Variants in NSUN6 observed in about 807,000 individuals in gnomAD.
The protein encoded by NSUN6 is tRNA (cytosine(72)-C(5))-methyltransferase NSUN6.
Under a neutral mutation model 58.0 loss-of-function variants are expected in NSUN6, and 64 were observed. The observed-to-expected ratio is 1.10, with a 90% CI of 0.90 to 1.36. The LOEUF is 1.36. NSUN6 is among the 40% of genes most tolerant of loss of function. The probability of loss-of-function intolerance (pLI) is 0.00; values close to 1 mark genes in which losing one functional copy is unlikely to be tolerated. For synonymous variants in NSUN6, 231 were observed against 193.9 expected, an observed-to-expected ratio of 1.19 and a Z score of -1.59; for missense variants, 701 against 550.1, an observed-to-expected ratio of 1.27 and a Z score of -2.74.
At position 18,586,416 on chromosome 10, in the gene NSUN6, G is replaced by A. The variant is rs1463287764; in HGVS notation, c.778-323C>T. 1.6e-4 allele frequency among the ~76,000 whole-genome samples: 24 copies of A among 152,164 alleles called. 1 individual carries two copies. Among genetic ancestry groups the A allele is most frequent in the Admixed American group, 1.6e-3 (24 of 15,282 alleles). ...AGTTTCTTCCTTCCGGTCGGTTCAT[G>A]GTCTCCCTGACTTCAGGAGTGAAGC... On this transcript the variant is annotated intron_variant, in intron 7 of 10. Coordinates refer to ENST00000377304, the MANE Select transcript of NSUN6 (RefSeq NM_182543.5).
Position 18,651,256 on chromosome 10 carries a change from G to GTT in NSUN6, c.-55_-54dup, listed in dbSNP as rs140572895. On this transcript the variant is annotated 5_prime_UTR_variant, in exon 1 of 11. Coordinates refer to ENST00000377304, the MANE Select transcript of NSUN6 (RefSeq NM_182543.5). ...GAGAAATGCTGGAAAACGGTGTTTTGTTTTTTTTTTTCTTTCCGAATTAAT... is the reference window on the plus strand; with the variant it reads ...GAGAAATGCTGGAAAACGGTGTTTTGTTTTTTTTTTTTTCTTTCCGAATTAAT... The GTT allele has an allele frequency of 0.031, 41,360 of 1,314,024 alleles. 2 individuals carry two copies. The highest frequency in any genetic ancestry group is 0.12 in the East Asian group (3,818 of 32,186). The allele number at this position is 1,314,024 out of a possible 1,614,324, so 81.4% of individuals were successfully genotyped here.
rs548284721 is a variant in NSUN6, at chr10:18,622,916, C to T, written c.312-6623G>A. On this transcript the variant is annotated intron_variant, in intron 3 of 10. Coordinates refer to ENST00000377304, the MANE Select transcript of NSUN6 (RefSeq NM_182543.5). ...AGAATACAGAAATTCTTTAAAATTACCAATTGGTTTTTGGCCTAAAAAGTT... is the reference window on the plus strand; with the variant it reads ...AGAATACAGAAATTCTTTAAAATTATCAATTGGTTTTTGGCCTAAAAAGTT... Among the ~76,000 whole-genome samples, 4 of 152,270 alleles carry T rather than the reference C, an allele frequency of 2.6e-5. No individual in the cohort carries two copies. In the South Asian group the frequency reaches 8.3e-4, roughly 32 times the overall value.
chr10:18,570,655 TTCCATTCCATTCTATTC>T (rs1392684279), intron 8 of NSUN6, among the ~76,000 whole-genome samples: 1 of 147,860 alleles, frequency 6.8e-6, no homozygotes, highest in Non-Finnish European at 1.5e-5. Context: ...CCATCATCCA[TTCCATTCCATTCTATTC>T]TCCATTCCAT....
chr10:18,629,956 T>G (rs1296759382), intron 3 of NSUN6, among the ~76,000 whole-genome samples: 16 of 150,818 alleles, frequency 1.1e-4, no homozygotes, highest in East Asian at 9.8e-4. Flanking sequence ...TATACATTTT[T>G]TTCAGCACCA....
intron 3 of NSUN6, among the ~76,000 whole-genome samples, chr10:18,623,115 T>G (rs1263141864): frequency 4.6e-5 from 7 of 152,228 alleles, no homozygotes; most frequent in Non-Finnish European, 1.0e-4. Context: ...TCATTTTAAG[T>G]AAACTGAAGA....
At chr10:18,626,405 T>C (rs919367151) in intron 3 of NSUN6, among the ~76,000 whole-genome samples, 1 of 152,026 alleles carries the variant, frequency 6.6e-6, no homozygotes, top group African/African-American at 2.4e-5. Context: ...TAAATACAAA[T>C]TAGCTGGTAA....
intron 7 of NSUN6, among the ~76,000 whole-genome samples, chr10:18,587,802 CA>C (rs1210480200): frequency 2.0e-5 from 3 of 152,100 alleles, no homozygotes; most frequent in Non-Finnish European, 4.4e-5. Flanking sequence ...GAGATTCCCT[CA>C]TGAGCCTACA....
At chr10:18,651,002 A>T in intron 1 of NSUN6, 127 bp downstream of exon 1, 1 of 1,057,236 alleles carries the variant, frequency 9.5e-7, no homozygotes, top group Non-Finnish European at 1.4e-6. Context: ...GTATTTTTAC[A>T]CTTGATAGAC....
intron 6 of NSUN6, among the ~76,000 whole-genome samples, chr10:18,604,978 C>A (rs1407086912): frequency 6.6e-6 from 1 of 150,936 alleles, no homozygotes; most frequent in Non-Finnish European, 1.5e-5. Flanking sequence ...CTCCGCCTCC[C>A]GGGTTCATGC....
Position 18,600,053 on chromosome 10 carries a change from T to C in NSUN6, c.658-3726A>G, listed in dbSNP as rs75243216. Among the ~76,000 whole-genome samples, 128 of 152,310 alleles carry C rather than the reference T, an allele frequency of 8.4e-4. 2 individuals carry two copies. In the East Asian group the frequency reaches 0.021, roughly 25 times the overall value. ...CAAAGTATCTTTGGGTAATGTAAGA[T>C]GCTAAAATTAAAAATTATCCCTTAT... On this transcript the variant is annotated intron_variant, in intron 6 of 10. Transcript: ENST00000377304.
At chr10:18,639,353 G>A (rs576918495) in intron 3 of NSUN6, among the ~76,000 whole-genome samples, 1 of 152,232 alleles carries the variant, frequency 6.6e-6, no homozygotes, top group African/African-American at 2.4e-5. Flanking sequence ...ATGAAGCCAG[G>A]TGTGGTGGCA....
intron 6 of NSUN6, among the ~76,000 whole-genome samples, chr10:18,609,542 T>G (rs1278141119): frequency 1.3e-5 from 2 of 152,074 alleles, no homozygotes; most frequent in South Asian, 2.1e-4. Flanking sequence ...ACACCACACA[T>G]GTATATCAAA....
At chr10:18,560,761 A>AATGGAATGGAG (rs1415764026) in intron 8 of NSUN6, among the ~76,000 whole-genome samples, 2 of 150,498 alleles carry the variant, frequency 1.3e-5, no homozygotes, top group East Asian at 3.9e-4. Context: ...TGGAATAGAG[A>AATGGAATGGAG]ATGGAATGGA....
At chr10:18,639,577 T>C (rs1217818784) in intron 3 of NSUN6, among the ~76,000 whole-genome samples, 2 of 152,224 alleles carry the variant, frequency 1.3e-5, no homozygotes, top group African/African-American at 4.8e-5. Context: ...AATTGACTTA[T>C]TCTTTTTAAG....
upstream of NSUN6, chr10:18,652,164 C>G (rs2059720962): frequency 8.1e-6 from 8 of 985,170 alleles, no homozygotes; most frequent in Non-Finnish European, 9.6e-6. Flanking sequence ...AGGCTAACTG[C>G]TACTTGTATC....
intron 6 of NSUN6, among the ~76,000 whole-genome samples, chr10:18,598,911 T>C (rs1026827199): frequency 2.0e-5 from 3 of 152,178 alleles, no homozygotes; most frequent in Non-Finnish European, 2.9e-5. Context: ...CATTAATGGA[T>C]TGGCCAAAGA....
intron 6 of NSUN6, among the ~76,000 whole-genome samples, chr10:18,602,079 T>C (rs908207206): frequency 6.6e-6 from 1 of 151,796 alleles, no homozygotes; most frequent in African/African-American, 2.4e-5. Context: ...TTTGTTTTGT[T>C]TTGAGATGGT....
At position 18,546,152 on chromosome 10, in the gene NSUN6, G is replaced by A; in HGVS notation, c.1198-7C>T. The stretch of plus-strand genomic sequence containing the variant: ...CTCCTCCAATCTGCGGTTCCTGTTT[G>A]GAGAAAGTGGATCAATATGGATGAA... On this transcript the variant is annotated splice_region_variant and splice_polypyrimidine_tract_variant and intron_variant, in intron 10 of 10. Transcript: ENST00000377304. 2 of 1,584,174 alleles carry A rather than the reference G, an allele frequency of 1.3e-6. No individual in the cohort carries two copies. Among genetic ancestry groups the A allele is most frequent in the East Asian group, 2.2e-5 (1 of 44,728 alleles).
At chr10:18,586,119 G>GAA in intron 7 of NSUN6, 26 bp from the exon 8 acceptor site, 1 of 1,443,190 alleles carries the variant, frequency 6.9e-7, no homozygotes, top group Non-Finnish European at 9.3e-7. Flanking sequence ...ACACACACAT[G>GAA]CAGAAAAAAA....
Sources: gnomAD v4.1 joint callset for allele counts (sites outside exome capture counted in the v4.1 genomes callset) on GRCh38, gnomAD v4.1.1 for gene constraint, MANE v1.5 for transcripts, NCBI Gene and HGNC (gene_info 2026-07-23, HGNC 2026-07-21) for gene names.